LNX1: variants seen among roughly 807,000 people sequenced by gnomAD.
LNX1 encodes E3 ubiquitin-protein ligase LNX.
Under a neutral mutation model 68.4 loss-of-function variants are expected in LNX1, and 54 were observed. The ratio of observed to expected loss-of-function variants is 0.79; its 90% CI spans 0.63 to 0.99. The LOEUF is 0.99. LNX1 is among the 50% of genes least tolerant of loss of function. The pLI is 0.00. For missense variants in LNX1, 906 were observed against 926.4 expected, an observed-to-expected ratio of 0.98 and a Z score of 0.29; for synonymous variants, 336 against 350.0, an observed-to-expected ratio of 0.96 and a Z score of 0.45.
chr4:53,516,777 T>A (rs142912744), intron 2 of LNX1, among the ~76,000 whole-genome samples: 41 of 152,322 alleles, frequency 2.7e-4, no homozygotes, highest in African/African-American at 9.4e-4. Context: ...TCCATCTACC[T>A]ACTTCTGGGG....
At chr4:53,527,387 T>C (rs1258908578) in intron 2 of LNX1, among the ~76,000 whole-genome samples, 1 of 152,222 alleles carries the variant, frequency 6.6e-6, no homozygotes, top group South Asian at 2.1e-4. Flanking sequence ...TGATGCTCCC[T>C]ATATGATGGC....
At chr4:53,567,426 A>C (rs1730777255) in intron 2 of LNX1, among the ~76,000 whole-genome samples, 1 of 151,850 alleles carries the variant, frequency 6.6e-6, no homozygotes. Context: ...AGGCAGAAAT[A>C]AAGATGTTCT....
chr4:53,568,786 C>T (rs1730917528), intron 2 of LNX1, among the ~76,000 whole-genome samples: 1 of 152,060 alleles, frequency 6.6e-6, no homozygotes, highest in Non-Finnish European at 1.5e-5. Context: ...CCAAAATCTC[C>T]TTAAGCTGAT....
In LNX1 at chr4:53,460,340, T is replaced by G. The variant is rs950230365; in HGVS notation, c.*567A>C. 5.3e-6 allele frequency: 1 copy of G among 189,434 alleles called. No individual in the cohort carries two copies. 11.7% of individuals were successfully genotyped at this position (189,434 alleles called of 1,614,324 possible). On this transcript the variant is annotated 3_prime_UTR_variant, in exon 11 of 11. Coordinates refer to ENST00000263925, the MANE Select transcript of LNX1 (RefSeq NM_001126328.3). ...TTTTTAGGGATAAGCCTAGGAGGTA[T>G]TCATCGGTGATGGTAACAAATAACA...
In LNX1 at chr4:53,464,088, T is replaced by C. The variant is rs79706781; in HGVS notation, c.1893-2495A>G. On this transcript the variant is annotated intron_variant, in intron 9 of 10. Transcript: ENST00000263925. ...CAGAGGTTGGAAAGACGACAGTGGA[T>C]GTAGGATGTTTTGAGCTCTGTGAGA... Among the ~76,000 whole-genome samples, 350 of 152,246 alleles carry C rather than the reference T, an allele frequency of 2.3e-3. 14 individuals carry two copies. The East Asian group carries it at 0.051, about 22-fold the overall frequency.
At chr4:53,534,232 G>A (rs1048884981) in intron 2 of LNX1, among the ~76,000 whole-genome samples, 1 of 152,122 alleles carries the variant, frequency 6.6e-6, no homozygotes, top group Non-Finnish European at 1.5e-5. Flanking sequence ...TTGCCTTCAC[G>A]GCTTTGTTGG....
At chr4:53,514,148 C>T (rs1053850923) in intron 2 of LNX1, among the ~76,000 whole-genome samples, 7 of 152,196 alleles carry the variant, frequency 4.6e-5, no homozygotes, top group African/African-American at 1.4e-4. Context: ...GCACATCCTA[C>T]CCCTGCTTAT....
chr4:53,469,245 G>A (rs539529634), intron 9 of LNX1, among the ~76,000 whole-genome samples: 1 of 152,140 alleles, frequency 6.6e-6, no homozygotes, highest in Non-Finnish European at 1.5e-5. Flanking sequence ...TGACTACTAG[G>A]TACATAACGA....
chr4:53,622,894 AT>A (rs1309768244), intron 1 of LNX1, among the ~76,000 whole-genome samples: 2 of 152,342 alleles, frequency 1.3e-5, no homozygotes, highest in East Asian at 3.9e-4. Context: ...CTTTCACAAT[AT>A]TATTTCTCTT....
chr4:53,589,699 T>C (rs1473014763), intron 1 of LNX1, among the ~76,000 whole-genome samples: 1 of 152,236 alleles, frequency 6.6e-6, no homozygotes, highest in Non-Finnish European at 1.5e-5. Context: ...TGCACATTTT[T>C]CCATCAGGCC....
Position 53,460,935 on chromosome 4 carries a change from A to G in LNX1, c.2159T>C (p.Ile720Thr), listed in dbSNP as rs1721939290. Residue 720 changes from isoleucine to threonine, a missense_variant, in exon 11 of 11, where the codon ATT becomes ACT. By Grantham distance (89) the Ile-to-Thr change is moderately conservative. Transcript: ENST00000263925. ...KELKGRITLT[I>T]VSWPGTFL ...TAAAAAAGTGCCAGGCCAAGAAACA[A>G]TAGTTAGAGTAATTCTTCCTTTAAG... 9 of 1,610,636 alleles carry G rather than the reference A, an allele frequency of 5.6e-6. No individual in the cohort carries two copies. Among genetic ancestry groups the G allele is most frequent in the South Asian group, 1.1e-5 (1 of 90,244 alleles).
At chr4:53,557,976 G>A in intron 2 of LNX1, 1 of 1,613,626 alleles carries the variant, frequency 6.2e-7, no homozygotes, top group Non-Finnish European at 8.5e-7. Context: ...TCTCCGAGCA[G>A]TGTGCTGCCT....
chr4:53,522,252 A>C lies in LNX1; in HGVS notation c.381-14025T>G, dbSNP rs149463897. On this transcript the variant is annotated intron_variant, in intron 2 of 10. Transcript: ENST00000263925. Reference sequence around the variant, plus strand: ...CCCACCTGGAGTGGCCACCACTCAAACAAATCCTACTCTTTTTTCCTAAGG... The same window carrying C: ...CCCACCTGGAGTGGCCACCACTCAACCAAATCCTACTCTTTTTTCCTAAGG... Among the ~76,000 whole-genome samples, 19 of 152,318 alleles carry C rather than the reference A, an allele frequency of 1.2e-4. No homozygotes were observed. In the East Asian group the frequency reaches 3.7e-3, roughly 29 times the overall value.
At chr4:53,566,229 T>C (rs958006607) in intron 2 of LNX1, among the ~76,000 whole-genome samples, 1 of 150,846 alleles carries the variant, frequency 6.6e-6, no homozygotes, top group African/African-American at 2.4e-5. Context: ...AAGGAAAAAA[T>C]GTTAAGGGCA....
chr4:53,547,002 C>G (rs772814928), intron 2 of LNX1, among the ~76,000 whole-genome samples: 1 of 152,180 alleles, frequency 6.6e-6, no homozygotes, highest in Non-Finnish European at 1.5e-5. Context: ...TTCCCTGCCT[C>G]TTCAGTGAGA....
At chr4:53,573,427 C>T (rs1291493801) in intron 2 of LNX1, among the ~76,000 whole-genome samples, 196 bp downstream of exon 2, 1 of 152,148 alleles carries the variant, frequency 6.6e-6, no homozygotes, top group African/African-American at 2.4e-5. Context: ...TAAAAAATCC[C>T]ATAAACACAT....
At chr4:53,556,798 A>G (rs1435253734) in intron 2 of LNX1, among the ~76,000 whole-genome samples, 1 of 152,232 alleles carries the variant, frequency 6.6e-6, no homozygotes, top group African/African-American at 2.4e-5. Flanking sequence ...TGGCTGGTCC[A>G]GCTAATTACA....
intron 6 of LNX1, among the ~76,000 whole-genome samples, chr4:53,486,151 C>T (rs1724274384): frequency 6.6e-6 from 1 of 152,200 alleles, no homozygotes; most frequent in Non-Finnish European, 1.5e-5. Context: ...TTCTTTCCCT[C>T]CCAAGAGCTG....
chr4:53,470,142 CATG>C (rs1723044008), intron 9 of LNX1, among the ~76,000 whole-genome samples: 2 of 152,188 alleles, frequency 1.3e-5, no homozygotes, highest in Non-Finnish European at 2.9e-5. Context: ...GCTTATCCAC[CATG>C]ATCAAGTGGG....
Sources: gnomAD v4.1 joint callset for allele counts (sites outside exome capture counted in the v4.1 genomes callset) on GRCh38, gnomAD v4.1.1 for gene constraint, MANE v1.5 for transcripts, NCBI Gene and HGNC (gene_info 2026-07-23, HGNC 2026-07-21) for gene names.